The following BCR variants were observed in gnomAD, a reference collection of about 807,000 sequenced individuals.
BCR encodes breakpoint cluster region protein.
A neutral mutation model predicts 138.6 loss-of-function variants in BCR; 58 were observed. The ratio of observed to expected loss-of-function variants is 0.42; its 90% CI spans 0.34 to 0.52. BCR has a LOEUF of 0.52. Among genes scored for constraint, BCR ranks in the 20% least tolerant of loss-of-function variants. The probability of loss-of-function intolerance (pLI) is 0.06; values close to 1 mark genes in which losing one functional copy is unlikely to be tolerated. For missense variants in BCR, 1,599 were observed against 1,727.2 expected (o/e 0.93, Z 1.32); for synonymous variants, 786 against 730.1 (o/e 1.08, Z -1.23).
chr22:23,306,950 C>G (rs1272541524), intron 16 of BCR: 2 of 152,502 alleles, frequency 1.3e-5, no homozygotes, highest in Non-Finnish European at 2.9e-5. Context: ...GCTTCTCTTT[C>G]TGTCTCTTCT....
intron 4 of BCR, among the ~76,000 whole-genome samples, chr22:23,266,872 C>T (rs534507096): frequency 2.0e-5 from 3 of 152,170 alleles, no homozygotes; most frequent in Non-Finnish European, 4.4e-5. Context: ...CACAAGCCAC[C>T]TGGAAGATGT....
chr22:23,274,734 C>G (rs900489075), intron 8 of BCR, among the ~76,000 whole-genome samples: 7 of 151,914 alleles, frequency 4.6e-5, no homozygotes, highest in African/African-American at 1.7e-4. Context: ...ATGGTGAAAC[C>G]CCGTCTCTAC....
intron 1 of BCR, 106 bp from the exon 2 acceptor site, chr22:23,253,693 G>A (rs2073258614): frequency 7.4e-7 from 1 of 1,355,566 alleles, no homozygotes; most frequent in Non-Finnish European, 1.0e-6. Context: ...GTTGTGAGAT[G>A]CCTGTTGGGG....
At position 23,241,736 on chromosome 22, in the gene BCR, C is replaced by T. The variant is rs983757453; in HGVS notation, c.1280-12063C>T. Among the ~76,000 whole-genome samples, 3 of 152,174 alleles carry T rather than the reference C, an allele frequency of 2.0e-5. 1 individual carries two copies. In the South Asian group the frequency reaches 6.2e-4, roughly 32 times the overall value. ...CCTGCCTGCGTTTTTCTACCAACAC[C>T]AGGCCTACCTGGAGTGACCATCGCA... On this transcript the variant is annotated intron_variant, in intron 1 of 22. Transcript: ENST00000305877.
Position 23,182,218 on chromosome 22 carries a change from G to A in BCR, c.1258G>A (p.Gly420Ser). The change falls in exon 1 of 23, where the codon GGC becomes AGC. Residue 420 changes from glycine (G) to serine (S), a missense_variant. Transcript: ENST00000305877. Reference sequence around the variant, plus strand: ...GCAGATCTGGCCCAACGATGGCGAGGGCGCCTTCCATGGAGACGCAGGTGA... The same window carrying A: ...GCAGATCTGGCCCAACGATGGCGAGAGCGCCTTCCATGGAGACGCAGGTGA... ...TGQIWPNDGE[G>S]AFHGDADGSF... 6.3e-7 allele frequency: 1 copy of A among 1,577,930 alleles called. No individual in the cohort carries two copies. The highest frequency in any genetic ancestry group is 1.1e-5 in the South Asian group (1 of 89,336).
intron 1 of BCR, among the ~76,000 whole-genome samples, chr22:23,202,209 T>C (rs1034455008): frequency 6.6e-6 from 1 of 152,188 alleles, no homozygotes; most frequent in Non-Finnish European, 1.5e-5. Flanking sequence ...TTTTTTTAAA[T>C]AGCTTCACTG....
chr22:23,249,312 GTCCCA>G (rs2073195006), intron 1 of BCR, among the ~76,000 whole-genome samples: 1 of 151,800 alleles, frequency 6.6e-6, no homozygotes, highest in Non-Finnish European at 1.5e-5. Context: ...CACGCCTGTA[GTCCCA>G]GCTACTCCGG....
intron 1 of BCR, among the ~76,000 whole-genome samples, chr22:23,238,407 C>G (rs2073049770): frequency 6.6e-6 from 1 of 152,108 alleles, no homozygotes; most frequent in Admixed American, 6.5e-5. Flanking sequence ...CTGCCCACAC[C>G]TGGAACATCT....
intron 12 of BCR, 50 bp from the exon 13 acceptor site, chr22:23,289,467 G>A (rs1328719265): frequency 6.6e-7 from 1 of 1,504,560 alleles, no homozygotes; most frequent in Non-Finnish European, 9.2e-7. Context: ...GGGGCCAGAG[G>A]GCCAAGGAGC....
At chr22:23,193,386 G>A (rs2072439064) in intron 1 of BCR, among the ~76,000 whole-genome samples, 1 of 152,244 alleles carries the variant, frequency 6.6e-6, no homozygotes, top group African/African-American at 2.4e-5. Context: ...GGGGCTTCGT[G>A]GGAGTAGCGG....
intron 1 of BCR, among the ~76,000 whole-genome samples, chr22:23,210,163 C>A (rs1014630420): frequency 6.6e-6 from 1 of 152,128 alleles, no homozygotes; most frequent in East Asian, 1.9e-4. Context: ...GCAGCTCACA[C>A]CTGTATTACC....
intron 1 of BCR, among the ~76,000 whole-genome samples, chr22:23,189,828 A>C (rs1216393573): frequency 6.6e-6 from 1 of 152,010 alleles, no homozygotes; most frequent in Non-Finnish European, 1.5e-5. Context: ...GACTGAGTTA[A>C]CTCCCAGCTC....
intron 4 of BCR, 43 bp from the exon 5 acceptor site, chr22:23,268,365 G>A (rs1479531665): frequency 1.4e-6 from 2 of 1,477,646 alleles, no homozygotes; most frequent in Non-Finnish European, 1.9e-6. Flanking sequence ...AGATGGGGGA[G>A]CAGCAGCACC....
At position 23,201,158 on chromosome 22, in the gene BCR, G is replaced by A. The variant is rs147325701; in HGVS notation, c.1279+18919G>A. 3.3e-3 allele frequency among the ~76,000 whole-genome samples: 501 copies of A among 152,350 alleles called. 3 individuals are homozygous for A. Among genetic ancestry groups the A allele is most frequent in the African/African-American group, 0.011 (476 of 41,586 alleles). ...AAAAAGTCACACACGTGCGCAGCTGGTCTGATTAATGAGTTTGTTTTTTGA... is the reference window on the plus strand; with the variant it reads ...AAAAAGTCACACACGTGCGCAGCTGATCTGATTAATGAGTTTGTTTTTTGA... On this transcript the variant is annotated intron_variant, in intron 1 of 22. Transcript: ENST00000305877.
In BCR at chr22:23,292,655, A is replaced by G; in HGVS notation, c.2880+17A>G. 1 of 1,593,904 alleles carries G rather than the reference A, an allele frequency of 6.3e-7. No individual in the cohort carries two copies. The highest frequency in any genetic ancestry group is 8.6e-7 in the Non-Finnish European group (1 of 1,163,416). On this transcript the variant is annotated intron_variant, in intron 15 of 22. Transcript: ENST00000305877. The stretch of plus-strand genomic sequence containing the variant: ...TGGAACGAGGTGAGGAACTGATTCC[A>G]CAAGGGCCCAGCCTGCCAGGTGGGG...
At chr22:23,270,951 C>T (rs1312409202) in intron 5 of BCR, among the ~76,000 whole-genome samples, 1 of 152,238 alleles carries the variant, frequency 6.6e-6, no homozygotes, top group East Asian at 1.9e-4. Context: ...GAGGTATAAT[C>T]CAGTGTCAGT....
At chr22:23,271,998 G>T (rs1008647918) in intron 6 of BCR, among the ~76,000 whole-genome samples, 4 of 151,954 alleles carry the variant, frequency 2.6e-5, no homozygotes, top group Non-Finnish European at 4.4e-5. Flanking sequence ...GCTAATTTTT[G>T]TATTTTTAAT....
intron 4 of BCR, chr22:23,262,691 T>G (rs1027508242): frequency 2.8e-6 from 2 of 721,474 alleles, no homozygotes; most frequent in African/African-American, 1.9e-5. Flanking sequence ...CCGCCGGGAA[T>G]GGCGGGCCCG....
chr22:23,206,863 C>T (rs188174107), intron 1 of BCR, among the ~76,000 whole-genome samples: 95 of 140,024 alleles, frequency 6.8e-4, no homozygotes, highest in Non-Finnish European at 5.7e-4. Flanking sequence ...TCCAACCAGT[C>T]ATACAACCAT....
Sources: gnomAD v4.1 joint callset for allele counts (sites outside exome capture counted in the v4.1 genomes callset) on GRCh38, gnomAD v4.1.1 for gene constraint, MANE v1.5 for transcripts, NCBI Gene and HGNC (gene_info 2026-07-23, HGNC 2026-07-21) for gene names.